The following PLA2G4D variants were observed in gnomAD, a reference collection of about 807,000 sequenced individuals.
The protein encoded by PLA2G4D is phospholipase A2 group IVD, also known as cytosolic phospholipase A2 delta.
Under a neutral mutation model 94.4 loss-of-function variants are expected in PLA2G4D, and 80 were observed. The ratio of observed to expected loss-of-function variants is 0.85; its 90% confidence interval spans 0.71 to 1.02. PLA2G4D has a LOEUF of 1.02. Ranked by LOEUF, PLA2G4D falls within the 50% of genes least tolerant of loss-of-function variation. The probability of loss-of-function intolerance (pLI) is 0.00; values close to 1 mark genes in which losing one functional copy is unlikely to be tolerated. For synonymous variants in PLA2G4D, 438 were observed against 440.9 expected, an observed-to-expected ratio of 0.99 and a Z score of 0.08; for missense variants, 1,050 against 1,034.7, an observed-to-expected ratio of 1.01 and a Z score of -0.20.
chr15:42,072,500 A>C, intron 13 of PLA2G4D, 108 bp from the exon 14 acceptor site: 2 of 833,138 alleles, frequency 2.4e-6, no homozygotes, highest in Non-Finnish European at 3.9e-6. Flanking sequence ...GTGAGGAGGC[A>C]GCTCCTCCCG....
At chr15:42,069,602 A>T (rs1889759532) in intron 19 of PLA2G4D, among the ~76,000 whole-genome samples, 1 of 152,022 alleles carries the variant, frequency 6.6e-6, no homozygotes, top group Non-Finnish European at 1.5e-5. Flanking sequence ...TGAGTCCCCC[A>T]CAGAGCAGGA....
intron 8 of PLA2G4D, 26 bp from the exon 9 acceptor site, chr15:42,082,415 T>C: frequency 6.5e-7 from 1 of 1,546,090 alleles, no homozygotes; most frequent in Non-Finnish European, 8.9e-7. Flanking sequence ...CATTCATTCA[T>C]TCATTCATTC....
At chr15:42,087,180 G>C in intron 3 of PLA2G4D, 120 bp downstream of exon 3, 1 of 1,315,188 alleles carries the variant, frequency 7.6e-7, no homozygotes, top group Non-Finnish European at 1.1e-6. Context: ...AGGGCACAGA[G>C]ACCCCCTACT....
intron 17 of PLA2G4D, 119 bp downstream of exon 17, chr15:42,071,004 G>T: frequency 1.3e-6 from 2 of 1,522,188 alleles, no homozygotes; most frequent in Non-Finnish European, 1.8e-6. Context: ...CTTCCAAGGG[G>T]ATCGTCTCCA....
chr15:42,071,941 G>A (rs377749521), intron 14 of PLA2G4D, 30 bp from the exon 15 acceptor site: 2 of 1,609,710 alleles, frequency 1.2e-6, no homozygotes, highest in Admixed American at 3.4e-5. Context: ...AGGCAGGAGT[G>A]TGAGGGGAGT....
chr15:42,068,472 C>T lies in PLA2G4D; in HGVS notation c.*243G>A. On this transcript the variant is annotated 3_prime_UTR_variant, in exon 20 of 20. Coordinates refer to ENST00000290472, the MANE Select transcript of PLA2G4D (RefSeq NM_178034.4). ...AAGTAATTGTGGTGTGAAAGTCTGTCTGGTTGGACCAGCTGTTCTACACAC... is the reference window on the plus strand; with the variant it reads ...AAGTAATTGTGGTGTGAAAGTCTGTTTGGTTGGACCAGCTGTTCTACACAC... 1 of 537,994 alleles carries T rather than the reference C, an allele frequency of 1.9e-6. No homozygotes were observed. Among genetic ancestry groups the T allele is most frequent in the South Asian group, 2.2e-5 (1 of 44,484 alleles). 33.3% of individuals were successfully genotyped at this position (537,994 alleles called of 1,614,324 possible). A position where few individuals can be genotyped will look rare whatever the true frequency, so the allele number is the denominator to read the frequency against.
rs758695188 is a variant in PLA2G4D, at chr15:42,085,130, C to T, written c.437G>A (p.Arg146His). The change falls in exon 6 of 20, where the codon CGC becomes CAC. Residue 146 changes from arginine (R) to histidine (H), a missense_variant. Coordinates refer to ENST00000290472, the MANE Select transcript of PLA2G4D (RefSeq NM_178034.4). The stretch of plus-strand genomic sequence containing the variant: ...TTTGTTGGTGATGAGGTTTTCTGGG[C>T]GATCTGACCTGGAAAAATCAAACCA... Reference protein sequence around the residue: ...VEFLMEETSDRPENLITNKVI... With the variant: ...VEFLMEETSDHPENLITNKVI... 1.7e-5 allele frequency: 27 copies of T among 1,614,074 alleles called. No homozygotes were observed. The highest frequency in any genetic ancestry group is 4.0e-5 in the African/African-American group (3 of 74,940).
In PLA2G4D at chr15:42,068,707, G is replaced by C; in HGVS notation, c.*8C>G. The C allele has an allele frequency of 6.3e-7, 1 of 1,597,984 alleles. No homozygotes were observed. Among genetic ancestry groups the C allele is most frequent in the Non-Finnish European group, 8.5e-7 (1 of 1,172,028 alleles). ...GGCCCTGGAGGGTCCTGCAGCCTCT[G>C]AGCAACCTCAGGTCTGTGCCCTTGG... On this transcript the variant is annotated 3_prime_UTR_variant, in exon 20 of 20. Coordinates refer to ENST00000290472, the MANE Select transcript of PLA2G4D (RefSeq NM_178034.4).
intron 7 of PLA2G4D, 140 bp from the exon 8 acceptor site, chr15:42,083,474 T>C: frequency 8.8e-7 from 1 of 1,138,574 alleles, no homozygotes; most frequent in Non-Finnish European, 1.2e-6. Flanking sequence ...AAAAGGGCCC[T>C]TCCCAGCCCA....
intron 1 of PLA2G4D, 84 bp from the exon 2 acceptor site, chr15:42,087,784 C>T: frequency 1.4e-6 from 2 of 1,390,500 alleles, no homozygotes; most frequent in Non-Finnish European, 2.0e-6. Flanking sequence ...CGACACCCCT[C>T]ACCACTCTCC....
In PLA2G4D at chr15:42,083,375, C is replaced by T. The variant is rs377022819; in HGVS notation, c.536-41G>A. 8.5e-5 allele frequency: 135 copies of T among 1,585,876 alleles called. No homozygotes were observed. The African/African-American group carries it at 1.5e-3, about 17-fold the overall frequency. On this transcript the variant is annotated intron_variant, in intron 7 of 19. Transcript: ENST00000290472. ...GCGGGTTAGCATGAGAACAAGAGCCCGGAACCCCAGCTCGGACCTGGGACA... is the reference window on the plus strand; with the variant it reads ...GCGGGTTAGCATGAGAACAAGAGCCTGGAACCCCAGCTCGGACCTGGGACA...
chr15:42,077,454 A>G (rs1404308041), intron 13 of PLA2G4D, among the ~76,000 whole-genome samples: 1 of 152,288 alleles, frequency 6.6e-6, no homozygotes, highest in Non-Finnish European at 1.5e-5. Context: ...AATGTGATAC[A>G]TCACATCAAC....
At chr15:42,087,256 C>G (rs1200895148) in intron 3 of PLA2G4D, 44 bp downstream of exon 3, 1 of 1,612,676 alleles carries the variant, frequency 6.2e-7, no homozygotes, top group Admixed American at 1.7e-5. Flanking sequence ...GCATGGGGGT[C>G]CAGCCCGTTC....
intron 18 of PLA2G4D, 187 bp downstream of exon 18, chr15:42,070,530 C>T: frequency 1.4e-6 from 1 of 695,044 alleles, no homozygotes; most frequent in Non-Finnish European, 2.3e-6. Flanking sequence ...CCTGGGAGCC[C>T]AAGGCCCCTG....
At chr15:42,089,688 G>A (rs1890216922) in intron 1 of PLA2G4D, among the ~76,000 whole-genome samples, 1 of 152,130 alleles carries the variant, frequency 6.6e-6, no homozygotes, top group Non-Finnish European at 1.5e-5. Flanking sequence ...GGCCCTGCAG[G>A]GTATTGAGTT....
chr15:42,071,188 T>G lies in PLA2G4D; in HGVS notation c.1811A>C (p.Asn604Thr), dbSNP rs372910107. The change falls in exon 17 of 20, where the codon AAC (asparagine) becomes ACC (threonine). Residue 604 changes from asparagine (N) to threonine (T), a missense_variant. By Grantham distance (65) the Asn-to-Thr change is moderately conservative. Transcript: ENST00000290472. ...TGRPLHQRSPNFLQGLQLHQD... is the reference protein window; with the variant it reads ...TGRPLHQRSPTFLQGLQLHQD... ...GTGCAGCTGGAGGCCCTGGAGGAAG[T>G]TGGGGCTGCGCTGGTGGAGGGGCCT... 1.9e-6 allele frequency: 3 copies of G among 1,613,550 alleles called. No individual in the cohort carries two copies. The highest frequency in any genetic ancestry group is 1.7e-6 in the Non-Finnish European group (2 of 1,179,806).
Position 42,068,581 on chromosome 15 carries a change from A to C in PLA2G4D, c.*134T>G, listed in dbSNP as rs1397961587. 6.7e-6 allele frequency: 5 copies of C among 746,046 alleles called. No individual in the cohort carries two copies. Among genetic ancestry groups the C allele is most frequent in the Non-Finnish European group, 1.1e-5 (5 of 465,616 alleles). 46.2% of individuals were successfully genotyped at this position (746,046 alleles called of 1,614,324 possible). A position where few individuals can be genotyped will look rare whatever the true frequency, so the allele number is the denominator to read the frequency against. On this transcript the variant is annotated 3_prime_UTR_variant, in exon 20 of 20. Transcript: ENST00000290472. ...TCTGTGTGTGCAGTTCCCTCTGGGC[A>C]GTGAGACCAGCTACAGAGGCCACCC... is the stretch of plus-strand genomic sequence containing the variant.
At position 42,071,892 on chromosome 15, in the gene PLA2G4D, G is replaced by A; in HGVS notation, c.1455C>T (p.Pro485=). Residue 485 remains proline, a synonymous_variant, in exon 15 of 20, where the codon CCC becomes CCT. Coordinates refer to ENST00000290472, the MANE Select transcript of PLA2G4D (RefSeq NM_178034.4). ...CGTACTTCAGGAAACCGACCTCATA[G>A]GGGGAGAACTCAACCCACTCTAATG... ...LDFKEWVEFS[P]YEVGFLKYGA... 4 of 1,614,156 alleles carry A rather than the reference G, an allele frequency of 2.5e-6. No homozygotes were observed. The highest frequency in any genetic ancestry group is 3.4e-6 in the Non-Finnish European group (4 of 1,180,004).
At position 42,070,535 on chromosome 15, in the gene PLA2G4D, C is replaced by A. The variant is rs928380732; in HGVS notation, c.2043+182G>T. ...GTTCACCTGTCCTGGGAGCCCAAGG[C>A]CCCTGCACCACCCCAGCCTTCCCAC... On this transcript the variant is annotated intron_variant, in intron 18 of 19. Transcript: ENST00000290472. The A allele has an allele frequency of 2.1e-5, 15 of 722,902 alleles. No individual in the cohort carries two copies. The Admixed American group carries it at 4.5e-4, about 22-fold the overall frequency. 44.8% of individuals were successfully genotyped at this position (722,902 alleles called of 1,614,324 possible).
Sources: gnomAD v4.1 joint callset for allele counts (sites outside exome capture counted in the v4.1 genomes callset) on GRCh38, gnomAD v4.1.1 for gene constraint, MANE v1.5 for transcripts, NCBI Gene and HGNC (gene_info 2026-07-23, HGNC 2026-07-21) for gene names.